ZNF74: variants seen among roughly 807,000 people sequenced by gnomAD.
ZNF74 encodes the protein zinc finger protein 74.
Under a neutral mutation model 17.7 loss-of-function variants are expected in ZNF74, and 12 were observed. The observed-to-expected ratio is 0.68, with a 90% CI of 0.43 to 1.10. The LOEUF (loss-of-function observed/expected upper bound fraction) is 1.10. ZNF74 is among the 50% of genes least tolerant of loss of function. ZNF74 has a pLI of 0.00. For missense variants in ZNF74, 811 were observed against 881.0 expected (o/e 0.92, Z 1.01); for synonymous variants, 358 against 362.1 (o/e 0.99, Z 0.13).
intron 4 of ZNF74, 114 bp from the exon 5 acceptor site, chr22:20,405,262 TG>T: frequency 8.7e-7 from 1 of 1,152,882 alleles, no homozygotes; most frequent in Non-Finnish European, 1.2e-6. Flanking sequence ...GCCTTGGCCC[TG>T]GTGGCCTCTC....
chr22:20,395,524 C>T (rs1375139362), intron 2 of ZNF74, 106 bp downstream of exon 2: 4 of 821,958 alleles, frequency 4.9e-6, no homozygotes, highest in South Asian at 1.8e-5. Context: ...TACCTGCTGG[C>T]CAGTCCTCAG....
Position 20,401,303 on chromosome 22 carries a change from A to T in ZNF74, c.274A>T (p.Ile92Phe). The T allele has an allele frequency of 6.2e-7, 1 of 1,611,954 alleles. No homozygotes were observed. The highest frequency in any genetic ancestry group is 1.3e-5 in the African/African-American group (1 of 74,954). Reference protein sequence around the residue: ...LGPPLHKPDVISHLERGEEPW... With the variant: ...LGPPLHKPDVFSHLERGEEPW... ...ACCTCCACTGCACAAGCCAGATGTG[A>T]TCTCTCATCTGGAACGAGGCGAGGA... Residue 92 changes from isoleucine (I) to phenylalanine (F), a missense_variant, in exon 4 of 5, where the codon ATC becomes TTC. Ile to Phe is a conservative substitution (Grantham distance 21). Transcript: ENST00000400451. This position sits in a 1 kb window ranked among gnomAD's most constrained non-coding sequence, Gnocchi z 4.2.
rs1219197968 is a variant in ZNF74, at chr22:20,407,533, G to C, written c.*565G>C. 1 of 153,380 alleles carries C rather than the reference G, an allele frequency of 6.5e-6. No homozygotes were observed. 9.5% of individuals were successfully genotyped at this position (153,380 alleles called of 1,614,324 possible). On this transcript the variant is annotated 3_prime_UTR_variant, in exon 5 of 5. Coordinates refer to ENST00000400451, the MANE Select transcript of ZNF74 (RefSeq NM_003426.4). ...GATTCACAGCACTGCACTGCAGCCT[G>C]GGTGACAAAGCAAGACCCTGTGTGA...
In ZNF74 at chr22:20,401,421, G is replaced by A; in HGVS notation, c.343+49G>A. 1 of 1,263,856 alleles carries A rather than the reference G, an allele frequency of 7.9e-7. No individual in the cohort carries two copies. The highest frequency in any genetic ancestry group is 1.1e-6 in the Non-Finnish European group (1 of 886,580). The allele number at this position is 1,263,856 out of a possible 1,614,324, so 78.3% of individuals were successfully genotyped here. A position where few individuals can be genotyped will look rare whatever the true frequency, so the allele number is the denominator to read the frequency against. ...GGTGCCAGCCCCAGCACCCCTGGTG[G>A]CACCTCCTCCTATGGCCCCTATTTT... is the stretch of plus-strand genomic sequence containing the variant. On this transcript the variant is annotated intron_variant, in intron 4 of 4. Coordinates refer to ENST00000400451, the MANE Select transcript of ZNF74 (RefSeq NM_003426.4). The surrounding 1 kb of genome is among the most constrained non-coding windows in gnomAD (Gnocchi z 4.2).
chr22:20,405,981 C>T lies in ZNF74; in HGVS notation c.948C>T (p.His316=). ...AGTGCGGGAAGGCCTTCAGCTGCCACTCGTCCCTCAACGTGCACCAGCGCA... is the reference window on the plus strand; with the variant it reads ...AGTGCGGGAAGGCCTTCAGCTGCCATTCGTCCCTCAACGTGCACCAGCGCA... ...CGECGKAFSC[H]SSLNVHQRIH... is the part of the protein sequence containing the mutation. Residue 316 remains histidine, a synonymous_variant, in exon 5 of 5, where the codon CAC becomes CAT. Transcript: ENST00000400451. 1.2e-6 allele frequency: 2 copies of T among 1,613,684 alleles called. No homozygotes were observed. The highest frequency in any genetic ancestry group is 1.7e-6 in the Non-Finnish European group (2 of 1,179,894).
At chr22:20,396,450 T>G (rs2052294960) in intron 2 of ZNF74, among the ~76,000 whole-genome samples, 1 of 152,010 alleles carries the variant, frequency 6.6e-6, no homozygotes, top group South Asian at 2.1e-4. Flanking sequence ...AATATGAAAT[T>G]TATTGCATGT....
In ZNF74 at chr22:20,395,333, C is replaced by A; in HGVS notation, c.35C>A (p.Ala12Asp). 1 of 1,596,290 alleles carries A rather than the reference C, an allele frequency of 6.3e-7. No homozygotes were observed. Among genetic ancestry groups the A allele is most frequent in the Non-Finnish European group, 8.6e-7 (1 of 1,166,224 alleles). ...CCTTGACTCATTTCTCCTTCGCCAGCTCTTTCCTCTCAGGATCCTGCTCTT... is the reference window on the plus strand; with the variant it reads ...CCTTGACTCATTTCTCCTTCGCCAGATCTTTCCTCTCAGGATCCTGCTCTT... ...EIPAPEPEKT[A>D]LSSQDPALSL... The change falls in exon 2 of 5, where the codon GCT becomes GAT. Residue 12 changes from alanine (A) to aspartate (D), a missense_variant and splice_region_variant. Ala to Asp is a moderately radical substitution (Grantham distance 126). Transcript: ENST00000400451.
In ZNF74 at chr22:20,407,176, A is replaced by C. The variant is rs1344622670; in HGVS notation, c.*208A>C. ...GGGCCACACTCCAGGAGGAGTGTTG[A>C]GAGTCATTTGAGGTAGTCTTGCCAC... On this transcript the variant is annotated 3_prime_UTR_variant, in exon 5 of 5. Coordinates refer to ENST00000400451, the MANE Select transcript of ZNF74 (RefSeq NM_003426.4). 2 of 703,220 alleles carry C rather than the reference A, an allele frequency of 2.8e-6. No homozygotes were observed. The highest frequency in any genetic ancestry group is 3.6e-5 in the African/African-American group (2 of 55,672). 43.6% of individuals were successfully genotyped at this position (703,220 alleles called of 1,614,324 possible). A position where few individuals can be genotyped will look rare whatever the true frequency, so the allele number is the denominator to read the frequency against.
intron 4 of ZNF74, among the ~76,000 whole-genome samples, chr22:20,404,772 GC>G (rs1263177434): frequency 6.6e-6 from 1 of 152,260 alleles, no homozygotes; most frequent in South Asian, 2.1e-4. Context: ...GGTGTGGGGA[GC>G]CCTTTTTTCC....
rs200802624 is a variant in ZNF74, at chr22:20,406,505, G to A, written c.1472G>A (p.Arg491Gln). ...TCCCACGCCTACCTCATCGTGCACC[G>A]GCGCATCCACACAGGCGAGAAGCCC... Reference protein sequence around the residue: ...FSSHAYLIVHRRIHTGEKPFD... With the variant: ...FSSHAYLIVHQRIHTGEKPFD... Residue 491 changes from arginine (R) to glutamine (Q), a missense_variant, in exon 5 of 5, where the codon CGG (arginine) becomes CAG (glutamine). Arg to Gln is a conservative substitution (Grantham distance 43). This residue lies in a region of ZNF74 where 666 missense variants were observed against 702.3 expected (regional missense o/e 0.95). Transcript: ENST00000400451. 1.9e-6 allele frequency: 3 copies of A among 1,608,092 alleles called. No homozygotes were observed. Among genetic ancestry groups the A allele is most frequent in the Admixed American group, 1.7e-5 (1 of 59,276 alleles).
At chr22:20,403,050 T>A in intron 4 of ZNF74, among the ~76,000 whole-genome samples, 1 of 152,146 alleles carries the variant, frequency 6.6e-6, no homozygotes, top group African/African-American at 2.4e-5. Context: ...ACACTGGCCA[T>A]GGCATAGTGA....
intron 4 of ZNF74, among the ~76,000 whole-genome samples, chr22:20,402,081 T>A (rs2052364984): frequency 6.6e-6 from 1 of 152,204 alleles, no homozygotes; most frequent in African/African-American, 2.4e-5. Flanking sequence ...AAATTCGGCT[T>A]AATTTATTGG....
At position 20,405,429 on chromosome 22, in the gene ZNF74, A is replaced by C; in HGVS notation, c.396A>C (p.Glu132Asp). 1.2e-6 allele frequency: 2 copies of C among 1,613,362 alleles called. No homozygotes were observed. The highest frequency in any genetic ancestry group is 1.7e-6 in the Non-Finnish European group (2 of 1,179,862). ...AACAGCAGGGCATTTGCAAAGAAGA[A>C]CCGGCCCAGGAGCCCATCATGGAGC... is the stretch of plus-strand genomic sequence containing the variant. ...PSQQQGICKE[E>D]PAQEPIMERP... Residue 132 changes from glutamate (E) to aspartate (D), a missense_variant, in exon 5 of 5, where the codon GAA (glutamate) becomes GAC (aspartate). Physicochemically the swap from Glu to Asp is conservative, Grantham distance 45. This residue lies in a region of ZNF74 where 666 missense variants were observed against 702.3 expected (regional missense o/e 0.95). Coordinates refer to ENST00000400451, the MANE Select transcript of ZNF74 (RefSeq NM_003426.4).
intron 2 of ZNF74, chr22:20,400,332 T>A (rs557373075): frequency 2.6e-4 from 92 of 347,884 alleles, no homozygotes; most frequent in African/African-American, 1.8e-3. Flanking sequence ...TAGAGCCTGA[T>A]ACAACAGCCA....
At position 20,406,519 on chromosome 22, in the gene ZNF74, G is replaced by C; in HGVS notation, c.1486G>C (p.Gly496Arg). The C allele has an allele frequency of 6.2e-7, 1 of 1,614,148 alleles. No homozygotes were observed. The highest frequency in any genetic ancestry group is 1.3e-5 in the African/African-American group (1 of 75,046). ...CATCGTGCACCGGCGCATCCACACAGGCGAGAAGCCCTTCGACTGCAGCCA... is the reference window on the plus strand; with the variant it reads ...CATCGTGCACCGGCGCATCCACACACGCGAGAAGCCCTTCGACTGCAGCCA... ...YLIVHRRIHT[G>R]EKPFDCSQCW... Residue 496 changes from glycine (G) to arginine (R), a missense_variant, in exon 5 of 5, where the codon GGC becomes CGC. Physicochemically the swap from Gly to Arg is moderately radical, Grantham distance 125. Coordinates refer to ENST00000400451, the MANE Select transcript of ZNF74 (RefSeq NM_003426.4).
rs1476525360 is a variant in ZNF74, at chr22:20,401,855, T to A, written c.343+483T>A. ...GTGAGCATCAGTGTCAGGGCCATCA[T>A]CAGCGTCAGGGTCAGAGTCAGCATC... On this transcript the variant is annotated intron_variant, in intron 4 of 4. Coordinates refer to ENST00000400451, the MANE Select transcript of ZNF74 (RefSeq NM_003426.4). This position sits in a 1 kb window ranked among gnomAD's most constrained non-coding sequence, Gnocchi z 4.2. Among the ~76,000 whole-genome samples, 1 of 152,122 alleles carries A rather than the reference T, an allele frequency of 6.6e-6. No homozygotes were observed. The highest frequency in any genetic ancestry group is 1.5e-5 in the Non-Finnish European group (1 of 68,022).
chr22:20,404,846 C>A (rs556514269), intron 4 of ZNF74, among the ~76,000 whole-genome samples: 28 of 152,066 alleles, frequency 1.8e-4, no homozygotes, highest in Non-Finnish European at 3.7e-4. Flanking sequence ...AGGCTGAGGC[C>A]GGAGAATGGC....
In ZNF74 at chr22:20,394,368, CG is replaced by C; in HGVS notation, c.-257del. ...GGAGGAGCGTGTGGCGGGGGTGTGC[CG>C]GGGCGTGAGTGCGCCGAGCATGGGG... On this transcript the variant is annotated 5_prime_UTR_variant, in exon 1 of 5. The change abolishes the stop of an existing upstream ORF in the 5' untranslated region. Transcript: ENST00000400451. The C allele has an allele frequency of 1.5e-6, 1 of 682,366 alleles. No homozygotes were observed. The allele number at this position is 682,366 out of a possible 1,614,324, so 42.3% of individuals were successfully genotyped here. A position where few individuals can be genotyped will look rare whatever the true frequency, so the allele number is the denominator to read the frequency against.
chr22:20,395,384 T>G lies in ZNF74; in HGVS notation c.86T>G (p.Ile29Arg), dbSNP rs1381642149. ...ALSLKENLED[I>R]SGWGLPEARS... is the part of the protein sequence containing the mutation. ...TCCCTGAAAGAGAATCTCGAGGATA[T>G]ATCGGGTTGGGGTCTTCCCGAAGCC... is the stretch of plus-strand genomic sequence containing the variant. Residue 29 changes from isoleucine (I) to arginine (R), a missense_variant, in exon 2 of 5, where the codon ATA (isoleucine) becomes AGA (arginine). Ile to Arg is a moderately conservative substitution (Grantham distance 97). Coordinates refer to ENST00000400451, the MANE Select transcript of ZNF74 (RefSeq NM_003426.4). 6.2e-7 allele frequency: 1 copy of G among 1,607,304 alleles called. No individual in the cohort carries two copies. The highest frequency in any genetic ancestry group is 1.3e-5 in the African/African-American group (1 of 74,816).
Sources: allele counts gnomAD v4.1 joint callset (sites outside exome capture counted in the v4.1 genomes callset), GRCh38; gene constraint gnomAD v4.1.1; regional missense constraint gnomAD v4.1.1; non-coding constraint Gnocchi (gnomAD v3.1); transcripts MANE v1.5; gene names NCBI Gene and HGNC (gene_info 2026-07-23, HGNC 2026-07-21).